RABGAP1L: variants seen among roughly 807,000 people sequenced by gnomAD.
RABGAP1L encodes rab GTPase-activating protein 1-like.
In RABGAP1L, 63 loss-of-function variants were observed where a neutral mutation model predicts 137.7. The ratio of observed to expected loss-of-function variants is 0.46; its 90% CI spans 0.37 to 0.56. The LOEUF (loss-of-function observed/expected upper bound fraction) is 0.56, where lower values mean the gene tolerates loss of function less well. Ranked by LOEUF, RABGAP1L falls within the 20% of genes least tolerant of loss-of-function variation. The pLI, the probability that RABGAP1L is intolerant of heterozygous loss-of-function variation, is 0.00. For missense variants in RABGAP1L, 1,095 were observed against 1,244.0 expected, an observed-to-expected ratio of 0.88 and a Z score of 1.80; for synonymous variants, 431 against 433.7, an observed-to-expected ratio of 0.99 and a Z score of 0.08.
At chr1:174,864,101 T>C (rs566687296) in intron 19 of RABGAP1L, among the ~76,000 whole-genome samples, 1 of 152,368 alleles carries the variant, frequency 6.6e-6, no homozygotes, top group South Asian at 2.1e-4. Flanking sequence ...AGAAATTAAA[T>C]TGAAGTCGTT....
chr1:174,327,956 A>AATATATATATATATATACATATAT (rs1553274442), intron 11 of RABGAP1L, among the ~76,000 whole-genome samples: 2 of 97,970 alleles, frequency 2.0e-5, no homozygotes, highest in African/African-American at 9.0e-5. Flanking sequence ...AACAGTTGTA[A>AATATATATATATATATACATATAT]ATATATATAT....
chr1:174,672,224 G>C (rs333437), intron 14 of RABGAP1L, among the ~76,000 whole-genome samples: 58,684 of 148,092 alleles, frequency 0.4, 14,487 homozygotes, highest in African/African-American at 0.7. Flanking sequence ...CTTAGTCTAG[G>C]TGTTTATTTT....
At chr1:174,173,133 T>G (rs1665547991) in intron 1 of RABGAP1L, among the ~76,000 whole-genome samples, 1 of 146,200 alleles carries the variant, frequency 6.8e-6, no homozygotes, top group East Asian at 2.0e-4. Context: ...TTAAAAAGAT[T>G]TTTTTTTTTT....
chr1:174,467,694 A>G (rs187025227), intron 13 of RABGAP1L, among the ~76,000 whole-genome samples: 155 of 152,264 alleles, frequency 1.0e-3, no homozygotes, highest in African/African-American at 3.4e-3. Context: ...GTATTTAAGT[A>G]TCTTGGTTAT....
chr1:174,932,839 T>A (rs1286953494), intron 19 of RABGAP1L, among the ~76,000 whole-genome samples: 1 of 152,160 alleles, frequency 6.6e-6, no homozygotes, highest in Non-Finnish European at 1.5e-5. Context: ...TTTGACATGT[T>A]TCCATTATTC....
In RABGAP1L at chr1:174,518,561, A is replaced by G. The variant is rs1341718053; in HGVS notation, c.1711-118814A>G. 5.3e-5 allele frequency among the ~76,000 whole-genome samples: 8 copies of G among 152,094 alleles called. No individual in the cohort carries two copies. The East Asian group carries it at 1.5e-3, about 29-fold the overall frequency. ...GATTGAATTTGCAGATGCAGAACCT[A>G]TGGATTGGAGGGTAGATTATATTCT... On this transcript the variant is annotated intron_variant, in intron 13 of 25. Transcript: ENST00000681986.
intron 19 of RABGAP1L, among the ~76,000 whole-genome samples, chr1:174,814,802 C>T (rs1690217581): frequency 6.6e-6 from 1 of 152,218 alleles, no homozygotes; most frequent in Middle Eastern, 3.4e-3. Flanking sequence ...AATTCTCCTG[C>T]CTCAGCCTCC....
intron 1 of RABGAP1L, among the ~76,000 whole-genome samples, chr1:174,164,741 T>C (rs1664768074): frequency 6.6e-6 from 1 of 152,250 alleles, no homozygotes; most frequent in East Asian, 1.9e-4. Flanking sequence ...TTTCATTTCA[T>C]TTTAAAAATG....
chr1:174,396,657 T>C lies in RABGAP1L; in HGVS notation c.1710+2512T>C, dbSNP rs377635262. On this transcript the variant is annotated intron_variant, in intron 13 of 25. Transcript: ENST00000681986. Reference sequence around the variant, plus strand: ...AGGAGGTAACTGCCATACCCCTTTTTTCACTAAGAGGCTTTCATAATTCAT... The same window carrying C: ...AGGAGGTAACTGCCATACCCCTTTTCTCACTAAGAGGCTTTCATAATTCAT... 8.6e-4 allele frequency among the ~76,000 whole-genome samples: 131 copies of C among 152,222 alleles called. 3 individuals are homozygous for C. In the South Asian group the frequency reaches 0.013, roughly 15 times the overall value.
At chr1:174,775,951 AG>A (rs1378110483) in intron 18 of RABGAP1L, among the ~76,000 whole-genome samples, 1 of 152,250 alleles carries the variant, frequency 6.6e-6, no homozygotes. Flanking sequence ...GTCAGTCCGT[AG>A]GAATTTCCAA....
At chr1:174,896,517 G>A (rs534605946) in intron 19 of RABGAP1L, among the ~76,000 whole-genome samples, 2 of 152,272 alleles carry the variant, frequency 1.3e-5, no homozygotes, top group South Asian at 4.1e-4. Flanking sequence ...CGTTGCCCAT[G>A]CCTATGTCCT....
chr1:174,174,845 A>C (rs1470418894), intron 1 of RABGAP1L, among the ~76,000 whole-genome samples: 1 of 152,168 alleles, frequency 6.6e-6, no homozygotes, highest in Non-Finnish European at 1.5e-5. Flanking sequence ...GGGTAAGGGT[A>C]GATCGTTCTT....
At chr1:174,173,339 A>G (rs1489656213) in intron 1 of RABGAP1L, among the ~76,000 whole-genome samples, 1 of 152,092 alleles carries the variant, frequency 6.6e-6, no homozygotes. Flanking sequence ...CATGTTGGTC[A>G]GGCTGGTCTC....
chr1:174,260,426 C>T (rs1673488232), intron 7 of RABGAP1L, among the ~76,000 whole-genome samples: 1 of 152,178 alleles, frequency 6.6e-6, no homozygotes. Context: ...CCCTCAGTGC[C>T]TTGGGAGAAA....
At chr1:174,857,696 A>G (rs563531414) in intron 19 of RABGAP1L, among the ~76,000 whole-genome samples, 62 of 152,276 alleles carry the variant, frequency 4.1e-4, no homozygotes, top group African/African-American at 1.4e-3. Flanking sequence ...ATAATTAATA[A>G]TGATATGTAT....
intron 17 of RABGAP1L, among the ~76,000 whole-genome samples, chr1:174,740,272 T>G (rs1683282619): frequency 6.6e-6 from 1 of 152,136 alleles, no homozygotes; most frequent in Non-Finnish European, 1.5e-5. Flanking sequence ...CACTTCTGTC[T>G]CTGCTTTCCC....
chr1:174,774,272 T>G (rs1686348863), intron 18 of RABGAP1L, among the ~76,000 whole-genome samples: 2 of 152,168 alleles, frequency 1.3e-5, no homozygotes. Context: ...AGTCATTTAT[T>G]TGTGTCATAC....
intron 20 of RABGAP1L, among the ~76,000 whole-genome samples, chr1:174,968,863 T>A (rs1669888590): frequency 6.6e-6 from 1 of 152,222 alleles, no homozygotes; most frequent in African/African-American, 2.4e-5. Context: ...CTGGTGGTTT[T>A]CCCCTGTTTC....
At chr1:174,361,451 G>A (rs1250330335) in intron 11 of RABGAP1L, among the ~76,000 whole-genome samples, 2 of 151,850 alleles carry the variant, frequency 1.3e-5, no homozygotes, top group East Asian at 3.8e-4. Context: ...ATCCTTTTCA[G>A]TTTTTTCATT....
Sources: allele counts gnomAD v4.1 joint callset (sites outside exome capture counted in the v4.1 genomes callset), GRCh38; gene constraint gnomAD v4.1.1; transcripts MANE v1.5; gene names NCBI Gene and HGNC (gene_info 2026-07-23, HGNC 2026-07-21).